CUX1: variants seen among roughly 807,000 people sequenced by gnomAD.
CUX1 encodes cut like homeobox 1.
A neutral mutation model predicts 158.8 loss-of-function variants in CUX1; 31 were observed. That is an observed-to-expected ratio of 0.20 (90% CI 0.15 to 0.26). The LOEUF is 0.26. Among genes scored for constraint, CUX1 ranks in the 10% least tolerant of loss-of-function variants. CUX1 has a pLI of 1.00. For missense variants in CUX1, 1,589 were observed against 2,014.6 expected (o/e 0.79, Z 4.04); for synonymous variants, 879 against 862.1 (o/e 1.02, Z -0.34).
chr7:101,989,920 C>T (rs547031916), intron 2 of CUX1, among the ~76,000 whole-genome samples: 71 of 152,350 alleles, frequency 4.7e-4, no homozygotes, highest in African/African-American at 1.6e-3. Flanking sequence ...ATCGCTTGCA[C>T]GCAGGTGCAG....
intron 8 of CUX1, 88 bp from the exon 9 acceptor site, chr7:102,158,472 G>C: frequency 7.3e-7 from 1 of 1,378,502 alleles, no homozygotes. Flanking sequence ...AGCCCTTCCC[G>C]AGCCCTGAGC....
intron 1 of CUX1, among the ~76,000 whole-genome samples, chr7:101,862,354 TTG>T: frequency 6.6e-6 from 1 of 151,972 alleles, no homozygotes; most frequent in Non-Finnish European, 1.5e-5. Flanking sequence ...ATATAATACA[TTG>T]TGTGTTGTCG....
intron 2 of CUX1, among the ~76,000 whole-genome samples, chr7:102,008,225 G>A (rs1817605932): frequency 6.6e-6 from 1 of 152,136 alleles, no homozygotes; most frequent in South Asian, 2.1e-4. Context: ...TCTTCTAGGG[G>A]CTTCGGTGAT....
intron 4 of CUX1, among the ~76,000 whole-genome samples, chr7:102,094,181 T>G (rs1222069375): frequency 1.3e-5 from 2 of 152,202 alleles, no homozygotes; most frequent in Non-Finnish European, 2.9e-5. Flanking sequence ...GTAATAAAAA[T>G]TAAGCCTAAG....
intron 1 of CUX1, chr7:101,913,350 G>A: frequency 2.4e-6 from 3 of 1,262,760 alleles, no homozygotes; most frequent in Middle Eastern, 2.2e-4. Context: ...GCGGGCACGG[G>A]GAAGGGAGGG....
intron 20 of CUX1, among the ~76,000 whole-genome samples, chr7:102,222,766 G>T (rs1554527425): frequency 6.8e-6 from 1 of 146,706 alleles, no homozygotes; most frequent in Non-Finnish European, 1.5e-5. Context: ...TTTAGAATAT[G>T]GCCCATCCAC....
In CUX1 at chr7:102,248,743, TCCGCGACCGCCACCG is replaced by T. The variant is rs1445623113; in HGVS notation, c.4225_4239del (p.Thr1409_Ala1413del). 1 of 1,070,364 alleles carries T rather than the reference TCCGCGACCGCCACCG, an allele frequency of 9.3e-7. No individual in the cohort carries two copies. Among genetic ancestry groups the T allele is most frequent in the Admixed American group, 5.5e-5 (1 of 18,152 alleles). 66.3% of individuals were successfully genotyped at this position (1,070,364 alleles called of 1,614,324 possible). A position where few individuals can be genotyped will look rare whatever the true frequency, so the allele number is the denominator to read the frequency against. ...CCCGGGGCCCCTGCCCAGCCCCGCC[TCCGCGACCGCCACCG>T]CCGCGCCCGCGGCCCCCGAGGACGC... is the stretch of plus-strand genomic sequence containing the variant. On this transcript the variant is annotated inframe_deletion, in exon 24 of 24. Transcript: ENST00000292535. The surrounding 1 kb of genome is among the most constrained non-coding windows in gnomAD (Gnocchi z 5.8).
chr7:102,203,864 C>T (rs1280131109), intron 18 of CUX1, among the ~76,000 whole-genome samples: 2 of 152,202 alleles, frequency 1.3e-5, no homozygotes, highest in Non-Finnish European at 2.9e-5. Flanking sequence ...ACCAGCTCAC[C>T]TCTGGGCCCC....
Position 102,248,265 on chromosome 7 carries a change from T to A in CUX1, c.3888-147T>A, listed in dbSNP as rs1187873280. 1.4e-6 allele frequency: 1 copy of A among 691,792 alleles called. No homozygotes were observed. The highest frequency in any genetic ancestry group is 2.3e-6 in the Non-Finnish European group (1 of 440,348). 42.9% of individuals were successfully genotyped at this position (691,792 alleles called of 1,614,324 possible). A position where few individuals can be genotyped will look rare whatever the true frequency, so the allele number is the denominator to read the frequency against. ...GTGACTCTGGAGAGGGGCTGCCCCG[T>A]GGCCCGAGGGTCGCTGGAGGGGCAC... On this transcript the variant is annotated intron_variant, in intron 23 of 23. Transcript: ENST00000292535. The surrounding 1 kb of genome is among the most constrained non-coding windows in gnomAD (Gnocchi z 5.8).
At chr7:102,131,293 G>T (rs1469123887) in intron 8 of CUX1, among the ~76,000 whole-genome samples, 1 of 152,038 alleles carries the variant, frequency 6.6e-6, no homozygotes, top group Non-Finnish European at 1.5e-5. Flanking sequence ...ATGGTTGATT[G>T]TCATTTTCTT....
intron 21 of CUX1, among the ~76,000 whole-genome samples, chr7:102,232,568 C>G (rs1554531197): frequency 6.6e-6 from 1 of 152,212 alleles, no homozygotes; most frequent in African/African-American, 2.4e-5. Context: ...CCAGTCTCCA[C>G]TTCCACCTAA....
intron 5 of CUX1, among the ~76,000 whole-genome samples, chr7:102,101,148 C>T (rs201472): frequency 0.62 from 94,026 of 152,050 alleles, 30,802 homozygotes; most frequent in African/African-American, 0.79. Flanking sequence ...ACTTCCAACA[C>T]TGGAGATCAG....
chr7:101,952,130 A>G (rs867161622), intron 2 of CUX1, among the ~76,000 whole-genome samples: 12 of 152,174 alleles, frequency 7.9e-5, no homozygotes, highest in African/African-American at 2.4e-4. Flanking sequence ...GCTCACACCT[A>G]TAATCCCAAT....
chr7:102,264,187 G>A (rs1790634872), intron 14 of CUX1, among the ~76,000 whole-genome samples: 1 of 150,534 alleles, frequency 6.6e-6, no homozygotes, highest in South Asian at 2.1e-4. Flanking sequence ...TGTATTTTTA[G>A]TAGAGACGGG....
At chr7:101,980,369 G>T (rs141936541) in intron 2 of CUX1, among the ~76,000 whole-genome samples, 5 of 152,276 alleles carry the variant, frequency 3.3e-5, no homozygotes, top group Admixed American at 6.5e-5. Context: ...AAGTAGCTGA[G>T]CATGGTGGCA....
chr7:102,223,092 C>A (rs111792861), intron 20 of CUX1, among the ~76,000 whole-genome samples: 8,495 of 151,480 alleles, frequency 0.056, 286 homozygotes, highest in Non-Finnish European at 0.068. Context: ...GCATGAGCCA[C>A]TGCGCCTGGC....
intron 20 of CUX1, among the ~76,000 whole-genome samples, chr7:102,217,432 C>T (rs1383907136): frequency 6.6e-6 from 1 of 152,270 alleles, no homozygotes; most frequent in Non-Finnish European, 1.5e-5. Context: ...CACAGGGCCT[C>T]ATCACCTCTG....
intron 1 of CUX1, among the ~76,000 whole-genome samples, chr7:101,834,096 G>C (rs1300076040): frequency 6.6e-6 from 1 of 151,752 alleles, no homozygotes; most frequent in Non-Finnish European, 1.5e-5. Flanking sequence ...GGTGCCCAGG[G>C]ATGGCCTTTA....
intron 2 of CUX1, among the ~76,000 whole-genome samples, chr7:101,937,615 A>C (rs766259159): frequency 6.6e-6 from 1 of 151,926 alleles, no homozygotes; most frequent in African/African-American, 2.4e-5. Flanking sequence ...GGTTCAAGCA[A>C]TTCTCCTGCC....
Sources: allele counts gnomAD v4.1 joint callset (sites outside exome capture counted in the v4.1 genomes callset), GRCh38; gene constraint gnomAD v4.1.1; non-coding constraint Gnocchi (gnomAD v3.1); transcripts MANE v1.5; gene names NCBI Gene and HGNC (gene_info 2026-07-23, HGNC 2026-07-21).